The following PPP2R5C variants were observed in gnomAD, a reference collection of about 807,000 sequenced individuals.
PPP2R5C encodes serine/threonine-protein phosphatase 2A 56 kDa regulatory subunit gamma isoform.
Under a neutral mutation model 68.9 loss-of-function variants are expected in PPP2R5C, and 7 were observed. The observed-to-expected ratio is 0.10, with a 90% CI of 0.06 to 0.19. The LOEUF (loss-of-function observed/expected upper bound fraction) is 0.19. Ranked by LOEUF, PPP2R5C falls within the 10% of genes least tolerant of loss-of-function variation. The pLI, the probability that PPP2R5C is intolerant of heterozygous loss-of-function variation, is 1.00. For synonymous variants in PPP2R5C, 210 were observed against 222.2 expected (o/e 0.95, Z 0.49); for missense variants, 348 against 641.3 (o/e 0.54, Z 4.94).
At chr14:101,824,171 T>A (rs1029584390) in intron 1 of PPP2R5C, 1 of 1,268,172 alleles carries the variant, frequency 7.9e-7, no homozygotes. Context: ...ATTTTCGTGG[T>A]AAACGTAAAC....
At chr14:101,773,173 C>T (rs781442927) in intron 2 of PPP2R5C, among the ~76,000 whole-genome samples, 1 of 152,172 alleles carries the variant, frequency 6.6e-6, no homozygotes, top group African/African-American at 2.4e-5. Flanking sequence ...AGTTTGCCTC[C>T]AGTGAGGGCA....
intron 1 of PPP2R5C, among the ~76,000 whole-genome samples, chr14:101,831,118 C>T (rs935952905): frequency 1.3e-5 from 2 of 151,394 alleles, no homozygotes; most frequent in African/African-American, 4.9e-5. Flanking sequence ...TAACAGAGCC[C>T]AGCAGAAGGG....
intron 13 of PPP2R5C, among the ~76,000 whole-genome samples, chr14:101,920,095 C>T (rs2046932290): frequency 6.6e-6 from 1 of 151,832 alleles, no homozygotes; most frequent in Non-Finnish European, 1.5e-5. Flanking sequence ...TAAACTAGGT[C>T]CAAAATGTGA....
At chr14:101,923,070 C>A (rs1433050782) in intron 13 of PPP2R5C, among the ~76,000 whole-genome samples, 1 of 152,212 alleles carries the variant, frequency 6.6e-6, no homozygotes, top group Non-Finnish European at 1.5e-5. Context: ...TCCGCCCCTG[C>A]CAGCATGTTC....
chr14:101,798,529 G>A (rs762482932), intron 3 of PPP2R5C, among the ~76,000 whole-genome samples: 2 of 152,240 alleles, frequency 1.3e-5, no homozygotes, highest in Non-Finnish European at 2.9e-5. Context: ...CTACCCACTA[G>A]GCTGAGGACG....
chr14:101,895,666 ATGC>A (rs756942382), intron 8 of PPP2R5C, among the ~76,000 whole-genome samples: 53 of 152,208 alleles, frequency 3.5e-4, no homozygotes, highest in Non-Finnish European at 6.3e-4. Flanking sequence ...TCATGGTTGA[ATGC>A]TGTTCTATCA....
chr14:101,796,332 CTT>C (rs1267540539), intron 3 of PPP2R5C, among the ~76,000 whole-genome samples: 1 of 152,196 alleles, frequency 6.6e-6, no homozygotes, highest in Non-Finnish European at 1.5e-5. Flanking sequence ...TTTCATTAGT[CTT>C]TTCTTCTCTT....
chr14:101,782,753 C>T (rs377216654), intron 2 of PPP2R5C, among the ~76,000 whole-genome samples: 2 of 7,754 alleles, frequency 2.6e-4, no homozygotes, highest in East Asian at 4.0e-3. Context: ...TCCCCCCTTC[C>T]CCTCCCTCTC....
chr14:101,784,994 G>T (rs1474527935), intron 2 of PPP2R5C, among the ~76,000 whole-genome samples: 1 of 152,162 alleles, frequency 6.6e-6, no homozygotes, highest in African/African-American at 2.4e-5. Flanking sequence ...TCTGCTTCGT[G>T]CATCTTCAGA....
intron 1 of PPP2R5C, among the ~76,000 whole-genome samples, chr14:101,848,462 C>T (rs886325775): frequency 1.3e-5 from 2 of 151,558 alleles, no homozygotes; most frequent in Non-Finnish European, 2.9e-5. Flanking sequence ...ACCCAGGAGG[C>T]GGAGGTTGCA....
chr14:101,896,419 A>G (rs1021643442), intron 8 of PPP2R5C, among the ~76,000 whole-genome samples: 1 of 152,106 alleles, frequency 6.6e-6, no homozygotes, highest in Non-Finnish European at 1.5e-5. Flanking sequence ...GCATCTTTTC[A>G]GCGCTTGTTG....
intron 2 of PPP2R5C, among the ~76,000 whole-genome samples, chr14:101,763,924 C>T (rs533040325): frequency 9.2e-5 from 14 of 152,330 alleles, no homozygotes; most frequent in South Asian, 4.1e-4. Flanking sequence ...TTTCTGTTGA[C>T]GGTCCCTTGG....
chr14:101,880,422 T>G (rs1050555887), intron 2 of PPP2R5C, among the ~76,000 whole-genome samples: 1 of 152,184 alleles, frequency 6.6e-6, no homozygotes, highest in Non-Finnish European at 1.5e-5. Context: ...CTCAGATGCT[T>G]GATGCTCAGA....
intron 3 of PPP2R5C, among the ~76,000 whole-genome samples, chr14:101,800,023 C>T (rs1228005038): frequency 6.6e-6 from 1 of 152,208 alleles, no homozygotes; most frequent in African/African-American, 2.4e-5. Flanking sequence ...ATTTGGGAGA[C>T]CAAGACGGGT....
exon 14 of PPP2R5C, chr14:101,925,482 G>A: frequency 2.5e-6 from 2 of 796,910 alleles, no homozygotes; most frequent in Non-Finnish European, 3.7e-6. Flanking sequence ...GCGGGTTGAC[G>A]ACGGTGTCCT....
At chr14:101,886,180 C>T (rs2140923548) in intron 5 of PPP2R5C, among the ~76,000 whole-genome samples, 1 of 151,940 alleles carries the variant, frequency 6.6e-6, no homozygotes, top group African/African-American at 2.4e-5. Context: ...ACTCGGGAGG[C>T]TGAGGCGGGA....
rs1274186026 is a variant in PPP2R5C, at chr14:101,908,058, G to A, written c.1151+1529G>A. ...TCCTCCTGAGCAGCTGTCTGAACCC[G>A]GGGAAGTTAGCTCTCACCAGGTCTT... On this transcript the variant is annotated intron_variant, in intron 10 of 13. Transcript: ENST00000334743. 3.9e-5 allele frequency among the ~76,000 whole-genome samples: 6 copies of A among 152,170 alleles called. No homozygotes were observed. In the East Asian group the frequency reaches 9.6e-4, roughly 24 times the overall value.
rs563330476 is a variant in PPP2R5C at position 101,870,947 on chromosome 14, C to T, written c.295-11214C>T. 2.6e-5 allele frequency among the ~76,000 whole-genome samples: 4 copies of T among 152,202 alleles called. No individual in the cohort carries two copies. In the South Asian group the frequency reaches 8.3e-4, roughly 32 times the overall value. The stretch of plus-strand genomic sequence containing the variant: ...CTTGTTGTAATTATATCAGGTTTTG[C>T]TTCATGTTATATATATTCATATAAA... On this transcript the variant is annotated intron_variant, in intron 2 of 13. Transcript: ENST00000334743.
At chr14:101,818,864 C>T in intron 1 of PPP2R5C, 2 of 685,354 alleles carry the variant, frequency 2.9e-6, no homozygotes, top group Non-Finnish European at 5.0e-6. Flanking sequence ...TTCAGTTTGT[C>T]ATCGATGTAT....
Sources: allele counts gnomAD v4.1 joint callset (sites outside exome capture counted in the v4.1 genomes callset), GRCh38; gene constraint gnomAD v4.1.1; transcripts MANE v1.5; gene names NCBI Gene and HGNC (gene_info 2026-07-23, HGNC 2026-07-21).